Variants in SPOCK1 observed in about 807,000 individuals in gnomAD.
The protein encoded by SPOCK1 is SPARC (osteonectin), cwcv and kazal like domains proteoglycan 1.
In SPOCK1, 23 loss-of-function variants were observed where a neutral mutation model predicts 55.3. The ratio of observed to expected loss-of-function variants is 0.42; its 90% CI spans 0.30 to 0.59. The LOEUF is 0.59. Among genes scored for constraint, SPOCK1 ranks in the 20% least tolerant of loss-of-function variants. SPOCK1 has a pLI of 0.22. For missense variants in SPOCK1, 499 were observed against 552.5 expected, an observed-to-expected ratio of 0.90 and a Z score of 0.97; for synonymous variants, 226 against 221.0, an observed-to-expected ratio of 1.02 and a Z score of -0.20.
intron 6 of SPOCK1, among the ~76,000 whole-genome samples, chr5:137,067,152 T>C (rs963371040): frequency 6.6e-6 from 1 of 152,134 alleles, no homozygotes; most frequent in African/African-American, 2.4e-5. Context: ...ACTTTCTCCA[T>C]CATGAAAACA....
chr5:137,265,912 G>A (rs1446572183), intron 3 of SPOCK1, among the ~76,000 whole-genome samples: 3 of 152,170 alleles, frequency 2.0e-5, no homozygotes, highest in African/African-American at 7.2e-5. Context: ...TCTATCCCCA[G>A]TACCTGGCTT....
intron 6 of SPOCK1, among the ~76,000 whole-genome samples, chr5:136,993,388 G>A (rs1164160938): frequency 6.6e-6 from 1 of 152,084 alleles, no homozygotes. Context: ...TGCAGAGAAG[G>A]GAGTTGACTT....
chr5:137,415,521 T>G (rs151130941), intron 2 of SPOCK1, among the ~76,000 whole-genome samples: 2 of 152,206 alleles, frequency 1.3e-5, no homozygotes, highest in African/African-American at 4.8e-5. Flanking sequence ...CCCTCCATTG[T>G]GAAGAAGAAT....
chr5:137,137,778 C>A (rs961238196), intron 4 of SPOCK1, among the ~76,000 whole-genome samples: 1 of 152,206 alleles, frequency 6.6e-6, no homozygotes, highest in African/African-American at 2.4e-5. Context: ...TGGGTAGGGA[C>A]CAAGGCACCT....
intron 2 of SPOCK1, among the ~76,000 whole-genome samples, chr5:137,312,526 T>TTTG (rs1203027303): frequency 2.0e-5 from 3 of 152,130 alleles, no homozygotes; most frequent in East Asian, 3.8e-4. Context: ...TTTTAAATTT[T>TTTG]TTGTTGTTGT....
Position 136,978,584 on chromosome 5 carries a change from A to AGAT in SPOCK1, c.*67_*69dup, listed in dbSNP as rs1750661569. The AGAT allele has an allele frequency of 6.6e-7, 1 of 1,512,268 alleles. No homozygotes were observed. The highest frequency in any genetic ancestry group is 8.9e-7 in the Non-Finnish European group (1 of 1,122,442). The allele number at this position is 1,512,268 out of a possible 1,614,324, so 93.7% of individuals were successfully genotyped here. A position where few individuals can be genotyped will look rare whatever the true frequency, so the allele number is the denominator to read the frequency against. On this transcript the variant is annotated 3_prime_UTR_variant, in exon 11 of 11. Transcript: ENST00000394945. ...AGAGACCTTGGTGCCTTGGAGTCTT[A>AGAT]GATACAAATGCAGGAATAGGAAGTG...
intron 2 of SPOCK1, among the ~76,000 whole-genome samples, chr5:137,449,211 C>A (rs2149834169): frequency 6.6e-6 from 1 of 152,306 alleles, no homozygotes; most frequent in Middle Eastern, 3.4e-3. Context: ...CCCAAGGGCC[C>A]AATACCTTCT....
chr5:137,451,177 C>T (rs537759243), intron 2 of SPOCK1, among the ~76,000 whole-genome samples: 1 of 152,172 alleles, frequency 6.6e-6, no homozygotes, highest in East Asian at 1.9e-4. Context: ...GATCCTTAGT[C>T]TAAAACAGAA....
chr5:137,250,527 G>C (rs1279057364), intron 3 of SPOCK1, among the ~76,000 whole-genome samples: 1 of 152,116 alleles, frequency 6.6e-6, no homozygotes, highest in Non-Finnish European at 1.5e-5. Flanking sequence ...TCCGTTCATA[G>C]AAGTGGGGGA....
chr5:137,487,782 A>T (rs941349241), intron 2 of SPOCK1, among the ~76,000 whole-genome samples: 2 of 152,206 alleles, frequency 1.3e-5, no homozygotes, highest in South Asian at 2.1e-4. Flanking sequence ...CCTGGCAGCC[A>T]ATCAAGACCC....
At chr5:137,106,435 G>A (rs1369795492) in intron 5 of SPOCK1, among the ~76,000 whole-genome samples, 1 of 152,152 alleles carries the variant, frequency 6.6e-6, no homozygotes, top group Non-Finnish European at 1.5e-5. Flanking sequence ...TGGGCTCCCA[G>A]ATGGTCCAGG....
chr5:137,303,417 T>C (rs975172631), intron 2 of SPOCK1, among the ~76,000 whole-genome samples: 1 of 152,116 alleles, frequency 6.6e-6, no homozygotes, highest in Non-Finnish European at 1.5e-5. Flanking sequence ...TAAGTCTCTG[T>C]AGCCTTAACT....
chr5:137,233,713 CTTT>C (rs56328555), intron 3 of SPOCK1, among the ~76,000 whole-genome samples: 307 of 58,382 alleles, frequency 5.3e-3, no homozygotes, highest in African/African-American at 9.1e-3. Flanking sequence ...AGGATATGCA[CTTT>C]TTTTTTTTTT....
intron 3 of SPOCK1, among the ~76,000 whole-genome samples, chr5:137,205,727 C>T (rs1755508041): frequency 6.6e-6 from 1 of 152,198 alleles, no homozygotes; most frequent in Non-Finnish European, 1.5e-5. Flanking sequence ...TACAAACAGA[C>T]TGAAGAGCAT....
At chr5:137,284,868 T>C (rs1757232427) in intron 2 of SPOCK1, among the ~76,000 whole-genome samples, 1 of 152,192 alleles carries the variant, frequency 6.6e-6, no homozygotes, top group African/African-American at 2.4e-5. Context: ...AGGGAACAGC[T>C]GGTCCCAAAC....
At chr5:137,227,514 T>A (rs1216641982) in intron 3 of SPOCK1, among the ~76,000 whole-genome samples, 1 of 152,200 alleles carries the variant, frequency 6.6e-6, no homozygotes, top group African/African-American at 2.4e-5. Context: ...TCGAAACAGA[T>A]AAGAGTCTTT....
chr5:137,487,333 CAAAAAAAAA>C (rs11330611), intron 2 of SPOCK1, among the ~76,000 whole-genome samples: 6 of 53,322 alleles, frequency 1.1e-4, no homozygotes, highest in African/African-American at 3.3e-4. Flanking sequence ...TCTGATCTTT[CAAAAAAAAA>C]AAAAAAAAAA....
chr5:137,382,055 C>T (rs1453737986), intron 2 of SPOCK1, among the ~76,000 whole-genome samples: 2 of 152,232 alleles, frequency 1.3e-5, no homozygotes, highest in African/African-American at 4.8e-5. Context: ...ATCTTGAATG[C>T]TTTGCTGCTT....
In SPOCK1 at chr5:137,201,796, T is replaced by C. The variant is rs1483459808; in HGVS notation, c.233-61102A>G. ...AGTAAACGGTACACACTGTCTCTTC[T>C]TCATCATTTTCATACCAATACTCTA... On this transcript the variant is annotated intron_variant, in intron 3 of 10. Transcript: ENST00000394945. Among the ~76,000 whole-genome samples the C allele has an allele frequency of 2.0e-5, 3 of 152,206 alleles. No individual in the cohort carries two copies. In the East Asian group the frequency reaches 5.8e-4, roughly 29 times the overall value.
Sources: allele counts gnomAD v4.1 joint callset (sites outside exome capture counted in the v4.1 genomes callset), GRCh38; gene constraint gnomAD v4.1.1; transcripts MANE v1.5; gene names NCBI Gene and HGNC (gene_info 2026-07-23, HGNC 2026-07-21).